NT5C3A: variants seen among roughly 807,000 people sequenced by gnomAD.
The protein encoded by NT5C3A is 5'-nucleotidase, cytosolic IIIA, also known as cytosolic 5'-nucleotidase 3A.
Under a neutral mutation model 40.0 loss-of-function variants are expected in NT5C3A, and 23 were observed. The ratio of observed to expected loss-of-function variants is 0.58; its 90% CI spans 0.41 to 0.81. The LOEUF (loss-of-function observed/expected upper bound fraction) is 0.81, where lower values mean the gene tolerates loss of function less well. Ranked by LOEUF, NT5C3A falls within the 40% of genes least tolerant of loss-of-function variation. The probability of loss-of-function intolerance (pLI) is 0.00; values close to 1 mark genes in which losing one functional copy is unlikely to be tolerated. For missense variants in NT5C3A, 328 were observed against 403.0 expected (o/e 0.81, Z 1.59); for synonymous variants, 130 against 141.4 (o/e 0.92, Z 0.57).
intron 1 of NT5C3A, among the ~76,000 whole-genome samples, chr7:33,031,671 TAAAC>T (rs1786266323): frequency 6.6e-6 from 1 of 152,098 alleles, no homozygotes; most frequent in African/African-American, 2.4e-5. Context: ...TTATTATTCT[TAAAC>T]TAAAAATAAA....
intron 7 of NT5C3A, among the ~76,000 whole-genome samples, chr7:33,017,044 G>A (rs914808387): frequency 6.6e-6 from 1 of 151,982 alleles, no homozygotes; most frequent in African/African-American, 2.4e-5. Flanking sequence ...TTAGCCGGGT[G>A]TGGTGGCAGA....
chr7:33,024,347 A>G lies in NT5C3A; in HGVS notation c.238-239T>C, dbSNP rs150584362. ...CTTGAGTGCCCTAGTGTTTTCACCA[A>G]ATAAATCTGATTCGTAATTCAGCCA... is the stretch of plus-strand genomic sequence containing the variant. On this transcript the variant is annotated intron_variant, in intron 2 of 8. Transcript: ENST00000610140. 4.8e-3 allele frequency among the ~76,000 whole-genome samples: 734 copies of G among 152,348 alleles called. 7 individuals are homozygous for G. Among genetic ancestry groups the G allele is most frequent in the African/African-American group, 0.014 (571 of 41,582 alleles).
intron 1 of NT5C3A, among the ~76,000 whole-genome samples, chr7:33,042,179 A>G (rs1170761985): frequency 6.6e-6 from 1 of 152,112 alleles, no homozygotes; most frequent in Non-Finnish European, 1.5e-5. Flanking sequence ...TCTACCAAAA[A>G]TACAAAAAAT....
intron 3 of NT5C3A, among the ~76,000 whole-genome samples, chr7:33,023,182 G>A (rs1428380168): frequency 2.0e-5 from 3 of 152,022 alleles, no homozygotes; most frequent in Admixed American, 6.6e-5. Flanking sequence ...GAAGTGCTGG[G>A]ATTACAGGCG....
chr7:33,034,896 T>C (rs953648725), intron 1 of NT5C3A, among the ~76,000 whole-genome samples: 1 of 152,208 alleles, frequency 6.6e-6, no homozygotes. Flanking sequence ...GTTGTTCTCT[T>C]TAAAAGAAAG....
At chr7:33,031,514 G>T (rs1156919487) in intron 1 of NT5C3A, among the ~76,000 whole-genome samples, 2 of 152,034 alleles carry the variant, frequency 1.3e-5, no homozygotes, top group East Asian at 3.9e-4. Flanking sequence ...CTGAGCCTGG[G>T]AGGCAGAGGT....
Position 33,019,735 on chromosome 7 carries a change from T to C in NT5C3A, c.441-11A>G, listed in dbSNP as rs1445775586. ...TGTGATTTAGTATACCTGGAGTTTA[T>C]GACCAAAGGAAAAAAGACTATCAAT... On this transcript the variant is annotated splice_polypyrimidine_tract_variant and intron_variant, in intron 5 of 8. Transcript: ENST00000610140. The C allele has an allele frequency of 2.7e-6, 4 of 1,479,714 alleles. No individual in the cohort carries two copies. Among genetic ancestry groups the C allele is most frequent in the Admixed American group, 1.7e-5 (1 of 59,822 alleles). 91.7% of individuals were successfully genotyped at this position (1,479,714 alleles called of 1,614,324 possible). A position where few individuals can be genotyped will look rare whatever the true frequency, so the allele number is the denominator to read the frequency against.
chr7:33,058,145 A>C (rs923774977), intron 1 of NT5C3A, among the ~76,000 whole-genome samples: 1 of 152,170 alleles, frequency 6.6e-6, no homozygotes, highest in Admixed American at 6.5e-5. Context: ...TTGCAGGAGA[A>C]ATTAGAAAAG....
At chr7:33,043,731 G>T (rs1220101662) in intron 1 of NT5C3A, among the ~76,000 whole-genome samples, 1 of 152,130 alleles carries the variant, frequency 6.6e-6, no homozygotes. Flanking sequence ...TGTCCATAAG[G>T]AACTTCATCT....
In NT5C3A at chr7:33,026,915, T is replaced by C. The variant is rs1366394246; in HGVS notation, c.139A>G (p.Met47Val). 1.0e-5 allele frequency: 16 copies of C among 1,602,212 alleles called. No individual in the cohort carries two copies. The highest frequency in any genetic ancestry group is 1.3e-5 in the African/African-American group (1 of 74,662). ...TGRKTKIIEM[M>V]PEFQKSSVRI... ...ACTGAACTTTTCTGGAATTCTGGCA[T>C]CTAAAAGTAAAAGAAAATTAATTAA... Residue 47 changes from methionine (M) to valine (V), a missense_variant and splice_region_variant, in exon 2 of 9, where the codon ATG (methionine) becomes GTG (valine). Transcript: ENST00000610140.
rs772942875 is a variant in NT5C3A at position 33,021,330 on chromosome 7, C to T, written c.382G>A (p.Ala128Thr). 1.9e-5 allele frequency: 31 copies of T among 1,611,184 alleles called. No homozygotes were observed. Among genetic ancestry groups the T allele is most frequent in the African/African-American group, 8.0e-5 (6 of 74,762 alleles). ...KLLQLKEKYY[A>T]IEVDPVLTVE... ...GTAAGAACAGGATCAACTTCAATAG[C>T]GTAATATTTTTCCTTTAGTTGCAAT... Residue 128 changes from alanine (A) to threonine (T), a missense_variant, in exon 5 of 9, where the codon GCT becomes ACT. This residue lies in a region of NT5C3A where 280 missense variants were observed against 317.2 expected (regional missense o/e 0.88). Coordinates refer to ENST00000610140, the MANE Select transcript of NT5C3A (RefSeq NM_001002010.5).
At chr7:33,058,918 C>T (rs889288189) in intron 1 of NT5C3A, among the ~76,000 whole-genome samples, 16 of 152,202 alleles carry the variant, frequency 1.1e-4, no homozygotes, top group Non-Finnish European at 2.4e-4. Flanking sequence ...GTTTTACCAA[C>T]GGCGGCTCAA....
intron 1 of NT5C3A, among the ~76,000 whole-genome samples, chr7:33,059,387 G>A (rs1787694802): frequency 6.6e-6 from 1 of 152,110 alleles, no homozygotes; most frequent in African/African-American, 2.4e-5. Context: ...AAGTGAACTT[G>A]TGATTCCACA....
At chr7:33,039,134 T>C (rs924782861) in intron 1 of NT5C3A, among the ~76,000 whole-genome samples, 1 of 152,170 alleles carries the variant, frequency 6.6e-6, no homozygotes. Context: ...ACAAACTTGA[T>C]AACTGAAAAC....
In NT5C3A at chr7:33,056,473, CAAAAAAAAAAAAAAAAAAA is replaced by C. The variant is rs70989927; in HGVS notation, c.138+6076_138+6094del. Among the ~76,000 whole-genome samples, 52 of 43,722 alleles carry C rather than the reference CAAAAAAAAAAAAAAAAAAA, an allele frequency of 1.2e-3. No homozygotes were observed. The East Asian group carries it at 0.023, about 19-fold the overall frequency. 28.7% of individuals were successfully genotyped at this position (43,722 alleles called of 152,430 possible). On this transcript the variant is annotated intron_variant, in intron 1 of 8. Transcript: ENST00000610140. Reference sequence around the variant, plus strand: ...GCAAATAGTGAGACCCCGTCTCTACCAAAAAAAAAAAAAAAAAAAAAAAAAAAAAAAAAAAAAAAAAAAT... The same window carrying C: ...GCAAATAGTGAGACCCCGTCTCTACCAAAAAAAAAAAAAAAAAAAAAAAAT...
At chr7:33,043,756 A>T (rs1399111198) in intron 1 of NT5C3A, among the ~76,000 whole-genome samples, 1 of 152,122 alleles carries the variant, frequency 6.6e-6, no homozygotes, top group Non-Finnish European at 1.5e-5. Context: ...AATTCCACCC[A>T]GTGTGTATGT....
In NT5C3A at chr7:33,017,360, T is replaced by G. The variant is rs534566381; in HGVS notation, c.693+79A>C. The G allele has an allele frequency of 2.6e-5, 30 of 1,171,000 alleles. No individual in the cohort carries two copies. The African/African-American group carries it at 4.3e-4, about 17-fold the overall frequency. 72.5% of individuals were successfully genotyped at this position (1,171,000 alleles called of 1,614,324 possible). A position where few individuals can be genotyped will look rare whatever the true frequency, so the allele number is the denominator to read the frequency against. ...CTAATTTCTGGATATAGGATATATA[T>G]TAAGTAACAATAAATAAATTTACAT... On this transcript the variant is annotated intron_variant, in intron 7 of 8. Coordinates refer to ENST00000610140, the MANE Select transcript of NT5C3A (RefSeq NM_001002010.5).
chr7:33,018,723 G>C (rs1444119309), intron 6 of NT5C3A, among the ~76,000 whole-genome samples: 1 of 151,862 alleles, frequency 6.6e-6, no homozygotes, highest in South Asian at 2.1e-4. Flanking sequence ...GGTGGCGGGC[G>C]CCTGAAGTCC....
chr7:33,033,067 T>A (rs1786372307), intron 1 of NT5C3A, among the ~76,000 whole-genome samples: 1 of 152,160 alleles, frequency 6.6e-6, no homozygotes, highest in Non-Finnish European at 1.5e-5. Context: ...GAATTTTAAA[T>A]CACCTTAGTA....
Sources: allele counts gnomAD v4.1 joint callset (sites outside exome capture counted in the v4.1 genomes callset), GRCh38; gene constraint gnomAD v4.1.1; regional missense constraint gnomAD v4.1.1; transcripts MANE v1.5; gene names NCBI Gene and HGNC (gene_info 2026-07-23, HGNC 2026-07-21).